The following ANKRD42 variants were observed in gnomAD, a reference collection of about 807,000 sequenced individuals.
ANKRD42 encodes ankyrin repeat domain 42.
ANKRD42 carries 43 observed loss-of-function variants against 51.5 expected under a neutral mutation model. The ratio of observed to expected loss-of-function variants is 0.83; its 90% CI spans 0.65 to 1.08. ANKRD42 has a LOEUF of 1.08. ANKRD42 is among the 50% of genes least tolerant of loss of function. ANKRD42 has a pLI of 0.00. For missense variants in ANKRD42, 608 were observed against 629.3 expected (o/e 0.97, Z 0.36); for synonymous variants, 203 against 213.0 (o/e 0.95, Z 0.41).
At chr11:83,194,821 C>G (rs1319622589) in intron 1 of ANKRD42, 93 bp downstream of exon 1, 8 of 1,318,450 alleles carry the variant, frequency 6.1e-6, no homozygotes, top group Non-Finnish European at 8.3e-6. Context: ...ATTTCCTTTT[C>G]TCAGCCGTCA....
At chr11:83,242,211 A>G (rs1002301383) in intron 9 of ANKRD42, among the ~76,000 whole-genome samples, 1 of 152,204 alleles carries the variant, frequency 6.6e-6, no homozygotes, top group Non-Finnish European at 1.5e-5. Flanking sequence ...AATCAGCATC[A>G]GTAATACCAT....
intron 7 of ANKRD42, among the ~76,000 whole-genome samples, chr11:83,229,919 C>T (rs945812264): frequency 6.6e-6 from 1 of 152,088 alleles, no homozygotes; most frequent in Non-Finnish European, 1.5e-5. Flanking sequence ...TTGATACAGA[C>T]ATGGAATGTG....
At chr11:83,230,821 C>T (rs1024515004) in intron 7 of ANKRD42, among the ~76,000 whole-genome samples, 1 of 152,114 alleles carries the variant, frequency 6.6e-6, no homozygotes, top group Non-Finnish European at 1.5e-5. Context: ...TTCCTGACCT[C>T]GTGATCCGCC....
intron 9 of ANKRD42, among the ~76,000 whole-genome samples, chr11:83,243,699 T>TG (rs1863456593): frequency 6.6e-6 from 1 of 152,128 alleles, no homozygotes; most frequent in African/African-American, 2.4e-5. Flanking sequence ...AGTCTTGCTC[T>TG]TGCCCAGGCT....
At chr11:83,231,042 T>C (rs1318856245) in intron 7 of ANKRD42, among the ~76,000 whole-genome samples, 1 of 152,242 alleles carries the variant, frequency 6.6e-6, no homozygotes, top group East Asian at 1.9e-4. Context: ...GTCTCTTTGA[T>C]ATACCCATTT....
At chr11:83,250,016 G>A (rs524441), downstream of ANKRD42, among the ~76,000 whole-genome samples, 108,869 of 152,076 alleles carry the variant, frequency 0.72, 39,671 homozygotes, top group Middle Eastern at 0.84. Context: ...TTACAGATGA[G>A]TTGACATGGT....
intron 5 of ANKRD42, among the ~76,000 whole-genome samples, chr11:83,221,873 G>T (rs1862728141): frequency 1.3e-5 from 2 of 152,170 alleles, no homozygotes; most frequent in African/African-American, 4.8e-5. Context: ...TTTGTCTCTG[G>T]CTGTCCTTAG....
rs189775806 is a variant in ANKRD42, at chr11:83,242,712, C to T, written c.1195+1778C>T. ...TCCCGAGTAGTGGTGACTACAGGCA[C>T]GTGCCACCACAGCCAGCTAATGTTT... On this transcript the variant is annotated intron_variant, in intron 9 of 10. Coordinates refer to ENST00000533342, the MANE Select transcript of ANKRD42 (RefSeq NM_001300975.2). Among the ~76,000 whole-genome samples, 444 of 151,928 alleles carry T rather than the reference C, an allele frequency of 2.9e-3. 2 individuals are homozygous for T. The highest frequency in any genetic ancestry group is 5.0e-3 in the Non-Finnish European group (342 of 67,934).
At chr11:83,223,893 C>T (rs1365357580) in intron 5 of ANKRD42, among the ~76,000 whole-genome samples, 2 of 151,256 alleles carry the variant, frequency 1.3e-5, no homozygotes, top group African/African-American at 2.4e-5. Flanking sequence ...TAAAGACTGT[C>T]TTGGTCTTTG....
At chr11:83,217,050 T>C (rs1862564009) in intron 5 of ANKRD42, among the ~76,000 whole-genome samples, 1 of 152,142 alleles carries the variant, frequency 6.6e-6, no homozygotes, top group Non-Finnish European at 1.5e-5. Context: ...TGAGTTGAGC[T>C]CATTTGAGGT....
intron 9 of ANKRD42, among the ~76,000 whole-genome samples, chr11:83,241,173 A>G (rs1343758734): frequency 4.6e-5 from 7 of 152,154 alleles, no homozygotes. Flanking sequence ...ATACTTAAGT[A>G]TTTTCTTCAG....
chr11:83,214,329 A>G (rs970379295), intron 5 of ANKRD42: 1 of 627,398 alleles, frequency 1.6e-6, no homozygotes, highest in Non-Finnish European at 2.0e-6. Context: ...TCATATTTAT[A>G]TTCCCAATCC....
chr11:83,256,912 TA>T (rs1224549650), downstream of ANKRD42, among the ~76,000 whole-genome samples: 1 of 152,188 alleles, frequency 6.6e-6, no homozygotes, highest in Non-Finnish European at 1.5e-5. Context: ...CACAACTACT[TA>T]ATCTCTTTAT....
At chr11:83,247,336 TG>T (rs1374703254) in intron 10 of ANKRD42, among the ~76,000 whole-genome samples, 1 of 152,146 alleles carries the variant, frequency 6.6e-6, no homozygotes, top group Non-Finnish European at 1.5e-5. Flanking sequence ...CCCAAAGTGC[TG>T]GGGTTACAGA....
chr11:83,228,735 T>C (rs980309762), intron 7 of ANKRD42, among the ~76,000 whole-genome samples: 2 of 152,112 alleles, frequency 1.3e-5, no homozygotes. Context: ...TGTGTACCAA[T>C]GGTTTTATAA....
At chr11:83,237,719 G>A (rs1292512114) in intron 8 of ANKRD42, among the ~76,000 whole-genome samples, 1 of 152,160 alleles carries the variant, frequency 6.6e-6, no homozygotes, top group Non-Finnish European at 1.5e-5. Flanking sequence ...GGTTTAAAAT[G>A]GCTTTATCAA....
In ANKRD42 at chr11:83,248,794, C is replaced by A; in HGVS notation, c.*590C>A. 3 of 977,002 alleles carry A rather than the reference C, an allele frequency of 3.1e-6. No individual in the cohort carries two copies. The highest frequency in any genetic ancestry group is 3.6e-6 in the Non-Finnish European group (3 of 822,312). 60.5% of individuals were successfully genotyped at this position (977,002 alleles called of 1,614,324 possible). ...CCTTCTGACACTAAGTTCCACTCTC[C>A]AGAGGAAGCTATTGTTAACAATTTA... is the stretch of plus-strand genomic sequence containing the variant. On this transcript the variant is annotated 3_prime_UTR_variant, in exon 11 of 11. Transcript: ENST00000533342.
rs776425199 is a variant in ANKRD42 at position 83,193,716 on chromosome 11, G to T, written c.-955G>T. ...ACCTCAGCACGTCGGAAGTGTACTC[G>T]TTTCCAAGGCGACGGCCCTGCTGCC... On this transcript the variant is annotated 5_prime_UTR_variant, in exon 1 of 11. Coordinates refer to ENST00000533342, the MANE Select transcript of ANKRD42 (RefSeq NM_001300975.2). 5 of 389,674 alleles carry T rather than the reference G, an allele frequency of 1.3e-5. No homozygotes were observed. In the East Asian group the frequency reaches 3.6e-4, roughly 28 times the overall value. 24.1% of individuals were successfully genotyped at this position (389,674 alleles called of 1,614,324 possible).
intron 3 of ANKRD42, chr11:83,209,557 A>G: frequency 2.1e-6 from 2 of 972,046 alleles, no homozygotes; most frequent in Admixed American, 1.7e-5. Context: ...AGAGTCAGGG[A>G]TGGGTCTATT....
Sources: gnomAD v4.1 joint callset for allele counts (sites outside exome capture counted in the v4.1 genomes callset) on GRCh38, gnomAD v4.1.1 for gene constraint, MANE v1.5 for transcripts, NCBI Gene and HGNC (gene_info 2026-07-23, HGNC 2026-07-21) for gene names.